Variants in CLYBL observed in about 807,000 individuals in gnomAD.
CLYBL encodes citramalyl-CoA lyase, mitochondrial.
A neutral mutation model predicts 38.9 loss-of-function variants in CLYBL; 31 were observed. The observed-to-expected ratio is 0.80, with a 90% CI of 0.60 to 1.08. The LOEUF is 1.08. Among genes scored for constraint, CLYBL ranks in the 50% least tolerant of loss-of-function variants. The pLI is 0.00. For missense variants in CLYBL, 434 were observed against 411.6 expected (o/e 1.05, Z -0.47); for synonymous variants, 171 against 158.6 (o/e 1.08, Z -0.59).
chr13:99,740,992 C>A (rs906860811), intron 1 of CLYBL, among the ~76,000 whole-genome samples: 7 of 152,142 alleles, frequency 4.6e-5, no homozygotes, highest in African/African-American at 1.7e-4. Flanking sequence ...CGATGGGAAT[C>A]CTGTTCAAAA....
intron 1 of CLYBL, among the ~76,000 whole-genome samples, chr13:99,769,246 T>C (rs1943819950): frequency 6.6e-6 from 1 of 152,228 alleles, no homozygotes; most frequent in Admixed American, 6.5e-5. Context: ...TGCTAAGAGC[T>C]GAAGTTGACC....
At chr13:99,714,549 A>G (rs1479358057) in intron 1 of CLYBL, among the ~76,000 whole-genome samples, 1 of 152,116 alleles carries the variant, frequency 6.6e-6, no homozygotes, top group African/African-American at 2.4e-5. Context: ...CCGGGGAGGT[A>G]GAGGTTGCAG....
chr13:99,805,207 A>G (rs2050208282), intron 2 of CLYBL, among the ~76,000 whole-genome samples: 1 of 152,048 alleles, frequency 6.6e-6, no homozygotes, highest in African/African-American at 2.4e-5. Flanking sequence ...TGTTGTAAAT[A>G]TTGTTGCCAT....
At chr13:99,658,586 C>T (rs2047363759) in intron 1 of CLYBL, among the ~76,000 whole-genome samples, 1 of 152,198 alleles carries the variant, frequency 6.6e-6, no homozygotes, top group Admixed American at 6.5e-5. Flanking sequence ...GCCCTCCAGC[C>T]CGGCGACAGG....
At chr13:99,710,133 C>T (rs1313427214) in intron 1 of CLYBL, among the ~76,000 whole-genome samples, 6 of 152,028 alleles carry the variant, frequency 3.9e-5, no homozygotes, top group Non-Finnish European at 7.4e-5. Flanking sequence ...ACCGTGGTCT[C>T]GATCTGCTGA....
chr13:99,648,758 T>C (rs2139294198), intron 1 of CLYBL, among the ~76,000 whole-genome samples: 1 of 152,324 alleles, frequency 6.6e-6, no homozygotes, highest in East Asian at 1.9e-4. Flanking sequence ...CTTGAACTGA[T>C]AATAGAATGT....
intron 1 of CLYBL, among the ~76,000 whole-genome samples, chr13:99,614,214 A>G (rs1298393679): frequency 6.6e-6 from 1 of 152,158 alleles, no homozygotes; most frequent in Non-Finnish European, 1.5e-5. Flanking sequence ...AAGATGGTAG[A>G]CCACAGGTTC....
At chr13:99,716,169 A>AGTTTTTT (rs1361639397) in intron 1 of CLYBL, among the ~76,000 whole-genome samples, 3 of 33,464 alleles carry the variant, frequency 9.0e-5, no homozygotes, top group African/African-American at 3.0e-4. Flanking sequence ...TATTGGTGTA[A>AGTTTTTT]TTTTTTTTTT....
chr13:99,840,274 A>AT (rs2051039602), intron 2 of CLYBL, among the ~76,000 whole-genome samples: 3 of 151,098 alleles, frequency 2.0e-5, no homozygotes, highest in African/African-American at 7.3e-5. Flanking sequence ...AAATCACTAT[A>AT]TACAATTCAC....
chr13:99,906,254 T>C (rs1238985482), intron 9 of CLYBL, among the ~76,000 whole-genome samples: 1 of 152,208 alleles, frequency 6.6e-6, no homozygotes, highest in East Asian at 1.9e-4. Flanking sequence ...CTACAGGGGA[T>C]TTTGGAGTTT....
chr13:99,696,860 T>G (rs2047987209), intron 1 of CLYBL, among the ~76,000 whole-genome samples: 1 of 151,926 alleles, frequency 6.6e-6, no homozygotes, highest in South Asian at 2.1e-4. Flanking sequence ...AAAAGAAAGA[T>G]GAGAAGATAA....
chr13:99,720,531 A>G (rs975371251), intron 1 of CLYBL, among the ~76,000 whole-genome samples: 1 of 152,064 alleles, frequency 6.6e-6, no homozygotes, highest in African/African-American at 2.4e-5. Flanking sequence ...GAAATATACC[A>G]TTGGTCACTT....
chr13:99,732,330 A>G (rs1005140611), intron 1 of CLYBL, among the ~76,000 whole-genome samples: 27 of 151,956 alleles, frequency 1.8e-4, no homozygotes, highest in African/African-American at 5.8e-4. Flanking sequence ...AGTAGCTGGG[A>G]CCACAGGCAC....
At chr13:99,789,038 G>A (rs374901829) in intron 2 of CLYBL, among the ~76,000 whole-genome samples, 29 of 152,132 alleles carry the variant, frequency 1.9e-4, no homozygotes, top group Admixed American at 1.3e-3. Context: ...CTGTGGGATC[G>A]GTGGTGATAT....
rs916780228 is a variant in CLYBL at position 99,868,041 on chromosome 13, A to G, written c.802+1634A>G. ...GTGCCCAGCTCAGCACGAGAAGCTTATGGACCTGGCACTATTGTTTCTCCA... is the reference window on the plus strand; with the variant it reads ...GTGCCCAGCTCAGCACGAGAAGCTTGTGGACCTGGCACTATTGTTTCTCCA... On this transcript the variant is annotated intron_variant, in intron 6 of 8. Transcript: ENST00000339105. 3.3e-5 allele frequency among the ~76,000 whole-genome samples: 5 copies of G among 152,080 alleles called. No homozygotes were observed. In the East Asian group the frequency reaches 7.7e-4, roughly 23 times the overall value.
intron 1 of CLYBL, among the ~76,000 whole-genome samples, chr13:99,618,469 C>T (rs1328292835): frequency 6.6e-6 from 1 of 152,086 alleles, no homozygotes; most frequent in African/African-American, 2.4e-5. Context: ...GGGGTTTCAC[C>T]ATGTTGGCCA....
chr13:99,738,472 C>T (rs971094909), intron 1 of CLYBL, among the ~76,000 whole-genome samples: 2 of 151,902 alleles, frequency 1.3e-5, no homozygotes, highest in African/African-American at 4.8e-5. Context: ...GAGACATTTC[C>T]CCAGATGATG....
intron 1 of CLYBL, chr13:99,727,180 T>G (rs1783674722): frequency 6.6e-6 from 1 of 151,986 alleles, no homozygotes; most frequent in African/African-American, 2.4e-5. Context: ...AAAACTTTGT[T>G]TCTGTGCACA....
chr13:99,759,430 C>T (rs907274059), intron 1 of CLYBL, among the ~76,000 whole-genome samples: 2 of 152,150 alleles, frequency 1.3e-5, no homozygotes, highest in African/African-American at 4.8e-5. Flanking sequence ...GACTCTTCCA[C>T]AAGAAGAACA....
Sources: gnomAD v4.1 joint callset for allele counts (sites outside exome capture counted in the v4.1 genomes callset) on GRCh38, gnomAD v4.1.1 for gene constraint, MANE v1.5 for transcripts, NCBI Gene and HGNC (gene_info 2026-07-23, HGNC 2026-07-21) for gene names.